SRFBP1: variants seen among roughly 807,000 people sequenced by gnomAD.
The protein encoded by SRFBP1 is serum response factor binding protein 1.
SRFBP1 carries 47 observed loss-of-function variants against 45.5 expected under a neutral mutation model. The ratio of observed to expected loss-of-function variants is 1.03; its 90% CI spans 0.82 to 1.32. The LOEUF (loss-of-function observed/expected upper bound fraction) is 1.32. Ranked by LOEUF, SRFBP1 falls within the 40% of genes most tolerant of loss-of-function variation. The probability of loss-of-function intolerance (pLI) is 0.00; values close to 1 mark genes in which losing one functional copy is unlikely to be tolerated. For synonymous variants in SRFBP1, 203 were observed against 166.3 expected (o/e 1.22, Z -1.70); for missense variants, 621 against 484.6 (o/e 1.28, Z -2.64).
At chr5:121,969,570 A>C (rs997539338) in intron 1 of SRFBP1, among the ~76,000 whole-genome samples, 1 of 152,036 alleles carries the variant, frequency 6.6e-6, no homozygotes, top group African/African-American at 2.4e-5. Flanking sequence ...TATACTGTCT[A>C]TGCAAGAGAT....
At chr5:122,026,303 T>C (rs1256296633) in intron 7 of SRFBP1, among the ~76,000 whole-genome samples, 1 of 152,208 alleles carries the variant, frequency 6.6e-6, no homozygotes, top group Admixed American at 6.5e-5. Flanking sequence ...CAAAATCATG[T>C]AAAATGTTAA....
At chr5:122,062,074 T>C (rs1477423824) in intron 2 of SRFBP1, among the ~76,000 whole-genome samples, 2 of 151,892 alleles carry the variant, frequency 1.3e-5, no homozygotes, top group Non-Finnish European at 2.9e-5. Flanking sequence ...AACAAAGTGG[T>C]TTCTTTACTG....
At chr5:122,000,099 T>G (rs1177385398) in intron 4 of SRFBP1, among the ~76,000 whole-genome samples, 2 of 152,092 alleles carry the variant, frequency 1.3e-5, no homozygotes, top group Non-Finnish European at 2.9e-5. Context: ...ATTTTATTAT[T>G]GTTTTTTAGT....
At chr5:122,005,092 C>T (rs917459585) in intron 4 of SRFBP1, among the ~76,000 whole-genome samples, 2 of 152,014 alleles carry the variant, frequency 1.3e-5, no homozygotes, top group Non-Finnish European at 2.9e-5. Flanking sequence ...GAGAATGTTC[C>T]TTGTGTTCTT....
intron 3 of SRFBP1, among the ~76,000 whole-genome samples, chr5:121,984,620 T>C (rs935149318): frequency 6.6e-6 from 1 of 151,826 alleles, no homozygotes; most frequent in Non-Finnish European, 1.5e-5. Flanking sequence ...AAATAACATA[T>C]ACAACATCAA....
chr5:121,962,291 T>G (rs1751964524), intron 1 of SRFBP1, among the ~76,000 whole-genome samples: 1 of 152,226 alleles, frequency 6.6e-6, no homozygotes, highest in African/African-American at 2.4e-5. Flanking sequence ...AATTTATGTC[T>G]GTGGGACTTT....
Position 122,004,875 on chromosome 5 carries a change from T to A in SRFBP1, c.270+10205T>A, listed in dbSNP as rs191388760. 6.9e-4 allele frequency among the ~76,000 whole-genome samples: 105 copies of A among 152,286 alleles called. 1 individual carries two copies. The East Asian group carries it at 0.016, about 23-fold the overall frequency. On this transcript the variant is annotated intron_variant, in intron 4 of 7. Coordinates refer to ENST00000339397, the MANE Select transcript of SRFBP1 (RefSeq NM_152546.3). ...TTATCATTTGTCTCAAGATACTTTT[T>A]AATTTTCTCTTCAATTTCTTCTTTG...
At chr5:122,007,674 G>T (rs1019539377) in intron 4 of SRFBP1, among the ~76,000 whole-genome samples, 1 of 150,542 alleles carries the variant, frequency 6.6e-6, no homozygotes, top group African/African-American at 2.5e-5. Context: ...GGCTGGTCCA[G>T]TGGGAGTTTT....
At chr5:122,013,631 T>C (rs983908835) in intron 4 of SRFBP1, among the ~76,000 whole-genome samples, 2 of 152,126 alleles carry the variant, frequency 1.3e-5, no homozygotes, top group African/African-American at 4.8e-5. Context: ...TATGGACAGA[T>C]GTTTATAGAA....
In SRFBP1 at chr5:121,965,428, A is replaced by C. The variant is rs1032128367; in HGVS notation, c.36+3360A>C. ...CATATGGCTACCCAGTTTTCCCAAC[A>C]CCATCTATTAAATAGGGAATCATTT... is the stretch of plus-strand genomic sequence containing the variant. On this transcript the variant is annotated intron_variant, in intron 1 of 7. Transcript: ENST00000339397. 1.3e-4 allele frequency among the ~76,000 whole-genome samples: 20 copies of C among 152,184 alleles called. 1 individual carries two copies. Among genetic ancestry groups the C allele is most frequent in the African/African-American group, 4.8e-4 (20 of 41,428 alleles).
chr5:122,070,454 CTGCAATATCA>C, intron 2 of SRFBP1: 1 of 1,104,000 alleles, frequency 9.1e-7, no homozygotes, highest in Non-Finnish European at 1.4e-6. Context: ...GCCTATTGAT[CTGCAATATCA>C]ATATATGATA....
chr5:122,078,431 C>T (rs1248494812), downstream of SRFBP1: 2 of 156,588 alleles, frequency 1.3e-5, no homozygotes, highest in Non-Finnish European at 2.8e-5. Flanking sequence ...CTGCCCTCCT[C>T]CCCCCAGACA....
At chr5:122,044,348 T>C (rs1260895857) in intron 2 of SRFBP1, among the ~76,000 whole-genome samples, 1 of 152,180 alleles carries the variant, frequency 6.6e-6, no homozygotes, top group African/African-American at 2.4e-5. Context: ...ACAATTAATA[T>C]TCCTTTGGAT....
chr5:122,053,268 G>A (rs1754021021), intron 2 of SRFBP1, among the ~76,000 whole-genome samples: 1 of 152,204 alleles, frequency 6.6e-6, no homozygotes, highest in Admixed American at 6.5e-5. Context: ...AGGGCTGGAT[G>A]GAGTTGCCTG....
chr5:121,964,224 C>T (rs1183594237), intron 1 of SRFBP1, among the ~76,000 whole-genome samples: 1 of 151,630 alleles, frequency 6.6e-6, no homozygotes, highest in African/African-American at 2.4e-5. Flanking sequence ...ACTTTAAGTT[C>T]TGGGGTACAT....
chr5:121,980,811 G>T (rs544235138), intron 3 of SRFBP1, among the ~76,000 whole-genome samples: 2 of 152,090 alleles, frequency 1.3e-5, no homozygotes, highest in Non-Finnish European at 2.9e-5. Context: ...CTTTCAGCAA[G>T]ATGCTTTGAA....
intron 6 of SRFBP1, among the ~76,000 whole-genome samples, chr5:122,021,079 T>G (rs1306623051): frequency 6.6e-6 from 1 of 152,238 alleles, no homozygotes; most frequent in Non-Finnish European, 1.5e-5. Flanking sequence ...GTTTTGAAAC[T>G]TTGAAATCTT....
chr5:121,991,323 A>T (rs1470949935), intron 3 of SRFBP1, among the ~76,000 whole-genome samples: 1 of 150,198 alleles, frequency 6.7e-6, no homozygotes, highest in Non-Finnish European at 1.5e-5. Flanking sequence ...CTACAGTGAT[A>T]AAAAAAAAGT....
intron 2 of SRFBP1, chr5:122,066,678 G>C: frequency 7.4e-7 from 1 of 1,346,246 alleles, no homozygotes; most frequent in South Asian, 1.2e-5. Context: ...ACTGAAGTTA[G>C]TCTATTTTTT....
Sources: allele counts gnomAD v4.1 joint callset (sites outside exome capture counted in the v4.1 genomes callset), GRCh38; gene constraint gnomAD v4.1.1; transcripts MANE v1.5; gene names NCBI Gene and HGNC (gene_info 2026-07-23, HGNC 2026-07-21).